The following TMEM50A variants were observed in gnomAD, a reference collection of about 807,000 sequenced individuals.
TMEM50A encodes cervical cancer oncogene 9.
In TMEM50A, 8 loss-of-function variants were observed where a neutral mutation model predicts 23.9. The observed-to-expected ratio is 0.33, with a 90% CI of 0.20 to 0.60. The LOEUF (loss-of-function observed/expected upper bound fraction) is 0.60, where lower values mean the gene tolerates loss of function less well. TMEM50A is among the 20% of genes least tolerant of loss of function. The probability of loss-of-function intolerance (pLI) is 0.81; values close to 1 mark genes in which losing one functional copy is unlikely to be tolerated. For missense variants in TMEM50A, 178 were observed against 192.7 expected (o/e 0.92, Z 0.45); for synonymous variants, 55 against 60.4 (o/e 0.91, Z 0.41).
intron 2 of TMEM50A, chr1:25,342,688 C>G (rs967703139): frequency 1.0e-5 from 2 of 198,438 alleles, no homozygotes; most frequent in African/African-American, 4.7e-5. Flanking sequence ...TAACTGGTTT[C>G]TAGTTCACCA....
chr1:25,356,552 G>A (rs959631365), intron 5 of TMEM50A, among the ~76,000 whole-genome samples: 1 of 152,164 alleles, frequency 6.6e-6, no homozygotes, highest in Admixed American at 6.5e-5. Context: ...AGTATCCTCA[G>A]TATTAAATAG....
At chr1:25,340,645 G>A in intron 2 of TMEM50A, 66 bp downstream of exon 2, 1 of 1,215,692 alleles carries the variant, frequency 8.2e-7, no homozygotes, top group Non-Finnish European at 1.2e-6. Flanking sequence ...TTTGAATTCT[G>A]CAGGATGTTT....
chr1:25,357,960 T>A (rs1338483148), intron 6 of TMEM50A, among the ~76,000 whole-genome samples: 1 of 149,520 alleles, frequency 6.7e-6, no homozygotes, highest in Non-Finnish European at 1.5e-5. Context: ...CTTTTTTTTT[T>A]TTTTTTAGAG....
chr1:25,344,597 C>T (rs750210112), intron 3 of TMEM50A, among the ~76,000 whole-genome samples: 2 of 151,500 alleles, frequency 1.3e-5, no homozygotes, highest in Non-Finnish European at 2.9e-5. Flanking sequence ...CCAGGCTGGT[C>T]TTGAACTCCT....
At chr1:25,359,992 A>G (rs943114359) in intron 6 of TMEM50A, among the ~76,000 whole-genome samples, 1 of 152,196 alleles carries the variant, frequency 6.6e-6, no homozygotes, top group Non-Finnish European at 1.5e-5. Context: ...ATTTGAGGGC[A>G]GTGGCTTTGT....
chr1:25,341,424 A>G (rs1645167335), intron 2 of TMEM50A, among the ~76,000 whole-genome samples: 1 of 152,012 alleles, frequency 6.6e-6, no homozygotes, highest in Admixed American at 6.6e-5. Context: ...GCGCCCGGCT[A>G]ATTTTTTTGT....
chr1:25,360,456 A>G (rs1231294218), intron 6 of TMEM50A, among the ~76,000 whole-genome samples: 1 of 152,184 alleles, frequency 6.6e-6, no homozygotes. Flanking sequence ...TGTTGGGAAT[A>G]TGGTGGTTAA....
At chr1:25,359,149 C>T (rs1390204225) in intron 6 of TMEM50A, among the ~76,000 whole-genome samples, 1 of 152,188 alleles carries the variant, frequency 6.6e-6, no homozygotes, top group African/African-American at 2.4e-5. Context: ...AGGCAGGCAG[C>T]CCCATAGAGC....
intron 6 of TMEM50A, among the ~76,000 whole-genome samples, chr1:25,359,710 T>C (rs183464720): frequency 2.0e-5 from 3 of 152,116 alleles, no homozygotes; most frequent in African/African-American, 7.2e-5. Flanking sequence ...CCCATGCTTT[T>C]TTATGCCTCT....
At chr1:25,343,098 A>G (rs755836456) in intron 3 of TMEM50A, 25 bp downstream of exon 3, 1 of 1,539,430 alleles carries the variant, frequency 6.5e-7, no homozygotes, top group East Asian at 2.3e-5. Context: ...AATTGGCATT[A>G]CTTACATAGC....
chr1:25,349,653 C>G (rs1354950122), intron 3 of TMEM50A, among the ~76,000 whole-genome samples: 3 of 151,996 alleles, frequency 2.0e-5, no homozygotes, highest in Non-Finnish European at 4.4e-5. Context: ...CAAGGTCTTA[C>G]TATGTTGCCC....
intron 2 of TMEM50A, 187 bp from the exon 3 acceptor site, chr1:25,342,774 A>T (rs1369777719): frequency 2.6e-6 from 1 of 385,426 alleles, no homozygotes; most frequent in Non-Finnish European, 4.7e-6. Flanking sequence ...TTATGTTAAT[A>T]AATATAAATT....
At chr1:25,341,175 G>A in intron 2 of TMEM50A, among the ~76,000 whole-genome samples, 1 of 152,136 alleles carries the variant, frequency 6.6e-6, no homozygotes, top group East Asian at 1.9e-4. Flanking sequence ...ATCATATGGT[G>A]TCGTAGGCTC....
intron 6 of TMEM50A, 74 bp from the exon 7 acceptor site, chr1:25,360,586 C>A: frequency 6.5e-7 from 1 of 1,535,674 alleles, no homozygotes; most frequent in Non-Finnish European, 9.0e-7. Flanking sequence ...GTTTGTTTCA[C>A]ACCATTCTCG....
At chr1:25,347,911 A>C (rs922415043) in intron 3 of TMEM50A, among the ~76,000 whole-genome samples, 1 of 152,220 alleles carries the variant, frequency 6.6e-6, no homozygotes, top group African/African-American at 2.4e-5. Context: ...CTGACACCTA[A>C]ATTTCAACAT....
intron 5 of TMEM50A, among the ~76,000 whole-genome samples, chr1:25,354,147 C>T (rs891878707): frequency 8.5e-5 from 13 of 152,070 alleles, no homozygotes; most frequent in African/African-American, 2.7e-4. Context: ...CATGCCACCA[C>T]GCCCTGCTAG....
At chr1:25,357,451 C>A (rs1250275207) in intron 6 of TMEM50A, among the ~76,000 whole-genome samples, 1 of 152,112 alleles carries the variant, frequency 6.6e-6, no homozygotes, top group Non-Finnish European at 1.5e-5. Context: ...CAACCAGCCC[C>A]CACAACCTAC....
At position 25,356,886 on chromosome 1, in the gene TMEM50A, G is replaced by GTT. The variant is rs200958395; in HGVS notation, c.428+41_428+42dup. On this transcript the variant is annotated intron_variant, in intron 6 of 6. Coordinates refer to ENST00000374358, the MANE Select transcript of TMEM50A (RefSeq NM_014313.4). ...TGTTTTGCATTCTTTATGTTTGTTT[G>GTT]TTTTTTTTTAAAATAGCTTCTTTTA... 4.7e-6 allele frequency: 7 copies of GTT among 1,480,998 alleles called. No individual in the cohort carries two copies. In the African/African-American group the frequency reaches 7.3e-5, roughly 15 times the overall value. The allele number at this position is 1,480,998 out of a possible 1,614,324, so 91.7% of individuals were successfully genotyped here.
At chr1:25,359,542 T>C (rs1645372881) in intron 6 of TMEM50A, among the ~76,000 whole-genome samples, 1 of 151,674 alleles carries the variant, frequency 6.6e-6, no homozygotes, top group East Asian at 1.9e-4. Flanking sequence ...AATCTCATAA[T>C]GTTTTAAGAA....
Sources: allele counts gnomAD v4.1 joint callset (sites outside exome capture counted in the v4.1 genomes callset), GRCh38; gene constraint gnomAD v4.1.1; transcripts MANE v1.5; gene names NCBI Gene and HGNC (gene_info 2026-07-23, HGNC 2026-07-21).